The following KCNMB2 variants were observed in gnomAD, a reference collection of about 807,000 sequenced individuals.
KCNMB2 encodes the protein potassium calcium-activated channel subfamily M regulatory beta subunit 2.
KCNMB2 carries 9 observed loss-of-function variants against 24.5 expected under a neutral mutation model. The observed-to-expected ratio is 0.37, with a 90% CI of 0.22 to 0.64. The LOEUF (loss-of-function observed/expected upper bound fraction) is 0.64, where lower values mean the gene tolerates loss of function less well. Ranked by LOEUF, KCNMB2 falls within the 30% of genes least tolerant of loss-of-function variation. The pLI is 0.63. For missense variants in KCNMB2, 226 were observed against 284.3 expected, an observed-to-expected ratio of 0.79 and a Z score of 1.47; for synonymous variants, 109 against 104.4, an observed-to-expected ratio of 1.04 and a Z score of -0.27.
At chr3:178,828,461 C>G in intron 4 of KCNMB2, 88 bp downstream of exon 4, 1 of 960,716 alleles carries the variant, frequency 1.0e-6, no homozygotes, top group Non-Finnish European at 1.5e-6. Flanking sequence ...GCCAGCATTT[C>G]AAAGGAAAAT....
intron 1 of KCNMB2, among the ~76,000 whole-genome samples, chr3:178,738,678 C>T (rs1021009756): frequency 6.6e-6 from 1 of 152,156 alleles, no homozygotes; most frequent in Non-Finnish European, 1.5e-5. Flanking sequence ...CTGAGAAGAG[C>T]CTTCTCTTGA....
At chr3:178,604,165 G>A (rs1367119314) in intron 1 of KCNMB2, among the ~76,000 whole-genome samples, 1 of 152,032 alleles carries the variant, frequency 6.6e-6, no homozygotes, top group Non-Finnish European at 1.5e-5. Context: ...AAAGCAGATG[G>A]GAATGCTGTT....
chr3:178,690,190 A>G (rs1203966848), intron 1 of KCNMB2, among the ~76,000 whole-genome samples: 1 of 152,226 alleles, frequency 6.6e-6, no homozygotes, highest in Non-Finnish European at 1.5e-5. Context: ...CATTGTATGT[A>G]TCAGAACTTT....
intron 4 of KCNMB2, among the ~76,000 whole-genome samples, chr3:178,836,637 T>C (rs1354846801): frequency 6.6e-6 from 1 of 152,194 alleles, no homozygotes; most frequent in Non-Finnish European, 1.5e-5. Flanking sequence ...TATAGTCACA[T>C]GTTAAAGCAC....
chr3:178,840,529 G>C (rs1715391223), intron 4 of KCNMB2, among the ~76,000 whole-genome samples: 1 of 152,238 alleles, frequency 6.6e-6, no homozygotes, highest in Non-Finnish European at 1.5e-5. Flanking sequence ...CCCTACATCA[G>C]AATTCTGCCT....
intron 1 of KCNMB2, among the ~76,000 whole-genome samples, chr3:178,659,612 C>T (rs1213099319): frequency 2.0e-5 from 3 of 152,150 alleles, no homozygotes; most frequent in African/African-American, 4.8e-5. Context: ...CAAGACATGG[C>T]CCCAGATTTG....
At chr3:178,670,759 C>T (rs1205312488) in intron 1 of KCNMB2, among the ~76,000 whole-genome samples, 1 of 152,140 alleles carries the variant, frequency 6.6e-6, no homozygotes, top group Admixed American at 6.6e-5. Context: ...TCCTGTGAGG[C>T]AGCTCAGTGT....
intron 1 of KCNMB2, among the ~76,000 whole-genome samples, chr3:178,584,118 G>A (rs1158756309): frequency 6.6e-6 from 1 of 152,216 alleles, no homozygotes; most frequent in Non-Finnish European, 1.5e-5. Context: ...GTCCTAGCTG[G>A]CAGGGCTAAC....
intron 1 of KCNMB2, among the ~76,000 whole-genome samples, chr3:178,627,408 T>G (rs1056811111): frequency 6.6e-6 from 1 of 152,210 alleles, no homozygotes; most frequent in Admixed American, 6.5e-5. Context: ...AACAGTTTTA[T>G]GTACAGTCCA....
At chr3:178,610,898 C>T (rs761945276) in intron 1 of KCNMB2, among the ~76,000 whole-genome samples, 2 of 152,208 alleles carry the variant, frequency 1.3e-5, no homozygotes, top group Admixed American at 6.5e-5. Context: ...TGTTGAGATA[C>T]GTTCCTTCTA....
chr3:178,542,208 C>T (rs994833660), intron 1 of KCNMB2, among the ~76,000 whole-genome samples: 2 of 152,114 alleles, frequency 1.3e-5, no homozygotes, highest in African/African-American at 4.8e-5. Context: ...ATTCCTTTTG[C>T]AGCACCGAAA....
intron 2 of KCNMB2, among the ~76,000 whole-genome samples, chr3:178,813,724 C>G (rs1714286387): frequency 6.6e-6 from 1 of 152,120 alleles, no homozygotes; most frequent in African/African-American, 2.4e-5. Context: ...TTTAACTCAT[C>G]ATTTGTTTGT....
intron 4 of KCNMB2, among the ~76,000 whole-genome samples, chr3:178,831,637 C>T (rs1391125385): frequency 1.3e-5 from 2 of 152,110 alleles, no homozygotes; most frequent in African/African-American, 2.4e-5. Flanking sequence ...GCTAAGTAAA[C>T]TAACACAGGA....
intron 1 of KCNMB2, among the ~76,000 whole-genome samples, chr3:178,706,919 T>C (rs569073902): frequency 1.3e-5 from 2 of 152,296 alleles, no homozygotes; most frequent in African/African-American, 4.8e-5. Flanking sequence ...GATGACGGGT[T>C]GATGGGTGCA....
chr3:178,808,274 C>T (rs1283084016), intron 2 of KCNMB2, among the ~76,000 whole-genome samples: 2 of 152,154 alleles, frequency 1.3e-5, no homozygotes, highest in African/African-American at 2.4e-5. Context: ...CTTCCTCTTT[C>T]TCATTGACCT....
intron 1 of KCNMB2, among the ~76,000 whole-genome samples, chr3:178,635,350 C>T (rs777626590): frequency 2.6e-4 from 39 of 151,942 alleles, no homozygotes; most frequent in Admixed American, 1.5e-3. Flanking sequence ...AAGTATCCAG[C>T]AGTTACAGGA....
rs1218736893 is a variant in KCNMB2, at chr3:178,600,694, G to A, written c.-68+63983G>A. Among the ~76,000 whole-genome samples, 4 of 152,288 alleles carry A rather than the reference G, an allele frequency of 2.6e-5. No homozygotes were observed. The East Asian group carries it at 7.7e-4, about 29-fold the overall frequency. On this transcript the variant is annotated intron_variant, in intron 1 of 4. Coordinates refer to ENST00000452583, the MANE Select transcript of KCNMB2 (RefSeq NM_181361.3). ...GAAGGGCAAGGGCAGACATCTCTCA[G>A]AGAGGTTAATGAGGTGATTTTGTTG...
At chr3:178,716,632 T>C (rs1722628047) in intron 1 of KCNMB2, among the ~76,000 whole-genome samples, 1 of 152,008 alleles carries the variant, frequency 6.6e-6, no homozygotes. Flanking sequence ...TGAGTAGAGA[T>C]GGGTTTTGCC....
chr3:178,748,592 A>C (rs1331738399), intron 1 of KCNMB2: 1 of 152,236 alleles, frequency 6.6e-6, no homozygotes, highest in African/African-American at 2.4e-5. Context: ...AGTTTGTATA[A>C]AAACTAATTC....
Sources: gnomAD v4.1 joint callset for allele counts (sites outside exome capture counted in the v4.1 genomes callset) on GRCh38, gnomAD v4.1.1 for gene constraint, MANE v1.5 for transcripts, NCBI Gene and HGNC (gene_info 2026-07-23, HGNC 2026-07-21) for gene names.